The following SCGB2B2 variants were observed in gnomAD, a reference collection of about 807,000 sequenced individuals.
The protein encoded by SCGB2B2 is secretoglobin-like protein.
A neutral mutation model predicts 7.6 loss-of-function variants in SCGB2B2; 11 were observed. The ratio of observed to expected loss-of-function variants is 1.45; its 90% CI spans 0.91 to 2.40. SCGB2B2 has a LOEUF of 2.40. Ranked by LOEUF, SCGB2B2 falls within the 30% of genes most tolerant of loss-of-function variation. The pLI, the probability that SCGB2B2 is intolerant of heterozygous loss-of-function variation, is 0.00. For missense variants in SCGB2B2, 104 were observed against 115.4 expected, an observed-to-expected ratio of 0.90 and a Z score of 0.45; for synonymous variants, 50 against 48.6, an observed-to-expected ratio of 1.03 and a Z score of -0.12.
chr19:34,654,348 G>T (rs757095632), intron 1 of SCGB2B2, among the ~76,000 whole-genome samples: 1 of 151,062 alleles, frequency 6.6e-6, no homozygotes, highest in East Asian at 1.9e-4. Flanking sequence ...TTTATGTAAA[G>T]CTAATGAGAG....
At chr19:34,635,391 T>G in intron 1 of SCGB2B2, 1 of 300,788 alleles carries the variant, frequency 3.3e-6, no homozygotes. Flanking sequence ...CCTAACAAGG[T>G]GGGTGCTTCT....
chr19:34,607,082 ACT>A (rs1170276039), intron 1 of SCGB2B2, among the ~76,000 whole-genome samples: 2 of 151,776 alleles, frequency 1.3e-5, no homozygotes, highest in African/African-American at 4.8e-5. Flanking sequence ...CCACCATTCT[ACT>A]CTCTAATTCT....
intron 1 of SCGB2B2, among the ~76,000 whole-genome samples, chr19:34,642,207 T>C (rs1362321547): frequency 1.3e-5 from 2 of 152,226 alleles, no homozygotes; most frequent in Non-Finnish European, 2.9e-5. Context: ...TTTTCTTTTC[T>C]ATAAAGGCAA....
intron 1 of SCGB2B2, among the ~76,000 whole-genome samples, chr19:34,614,693 C>T (rs544936727): frequency 1.3e-5 from 2 of 152,232 alleles, no homozygotes; most frequent in African/African-American, 4.8e-5. Context: ...TTTCTTTTGG[C>T]ACTTCAGTGT....
At chr19:34,606,190 C>T (rs536322523) in intron 1 of SCGB2B2, among the ~76,000 whole-genome samples, 2 of 151,816 alleles carry the variant, frequency 1.3e-5, no homozygotes, top group African/African-American at 4.8e-5. Flanking sequence ...GCATAATTGA[C>T]AAATAGGAAT....
In SCGB2B2 at chr19:34,655,125, C is replaced by A. The variant is rs1209323439; in HGVS notation, c.-2032+20505G>T. On this transcript the variant is annotated intron_variant, in intron 1 of 3. Transcript: ENST00000601241. Reference sequence around the variant, plus strand: ...AAAAATAAAATTCTAAGGCCCCCAACCATCTGAATGGACCCCTCCTCTTGG... The same window carrying A: ...AAAAATAAAATTCTAAGGCCCCCAAACATCTGAATGGACCCCTCCTCTTGG... Among the ~76,000 whole-genome samples, 3 of 151,212 alleles carry A rather than the reference C, an allele frequency of 2.0e-5. 1 individual carries two copies. Among genetic ancestry groups the A allele is most frequent in the Non-Finnish European group, 4.4e-5 (3 of 68,032 alleles).
chr19:34,608,728 T>G (rs2065851762), intron 1 of SCGB2B2: 1 of 146,106 alleles, frequency 6.8e-6, no homozygotes. Context: ...GACACTGAGG[T>G]TGAGTCAAAT....
chr19:34,608,135 A>C (rs1473649634), intron 1 of SCGB2B2, among the ~76,000 whole-genome samples: 1 of 151,852 alleles, frequency 6.6e-6, no homozygotes, highest in Non-Finnish European at 1.5e-5. Context: ...AATTTTCCTC[A>C]TCGTGTTTTA....
downstream of SCGB2B2, among the ~76,000 whole-genome samples, chr19:34,589,730 C>A (rs1275459590): frequency 6.6e-6 from 1 of 151,936 alleles, no homozygotes; most frequent in Non-Finnish European, 1.5e-5. Context: ...GATCCCAGGG[C>A]AGTGTGGATG....
chr19:34,645,132 T>G (rs1177742769), intron 1 of SCGB2B2, among the ~76,000 whole-genome samples: 3 of 151,990 alleles, frequency 2.0e-5, no homozygotes, highest in African/African-American at 4.8e-5. Flanking sequence ...CCCAGAAATA[T>G]CTTCGTGAAG....
chr19:34,652,330 A>C (rs895182692), intron 1 of SCGB2B2, among the ~76,000 whole-genome samples: 1 of 151,266 alleles, frequency 6.6e-6, no homozygotes, highest in Non-Finnish European at 1.5e-5. Context: ...CAACAGAGAG[A>C]AGAGACAACT....
chr19:34,608,421 T>A (rs190655919), intron 1 of SCGB2B2, among the ~76,000 whole-genome samples: 63 of 151,234 alleles, frequency 4.2e-4, no homozygotes, highest in African/African-American at 1.5e-3. Flanking sequence ...TTGCACTTTG[T>A]ACCATTAATC....
At chr19:34,607,336 C>T (rs2145818150) in intron 1 of SCGB2B2, among the ~76,000 whole-genome samples, 1 of 152,186 alleles carries the variant, frequency 6.6e-6, no homozygotes, top group Admixed American at 6.5e-5. Flanking sequence ...GTATATATAT[C>T]ACATTTTCTT....
rs1782111639 is a variant in SCGB2B2 at position 34,591,633 on chromosome 19, T to TG, written c.*1921dup. Among the ~76,000 whole-genome samples the TG allele has an allele frequency of 6.6e-6, 1 of 152,234 alleles. No individual in the cohort carries two copies. Among genetic ancestry groups the TG allele is most frequent in the Non-Finnish European group, 1.5e-5 (1 of 68,038 alleles). On this transcript the variant is annotated 3_prime_UTR_variant, in exon 4 of 4. Transcript: ENST00000601241. Reference sequence around the variant, plus strand: ...CTGGCACTTGCCTCGTTTTCTGACGTGACCTCCTTCCCTGCTGCCCCTTGT... The same window carrying TG: ...CTGGCACTTGCCTCGTTTTCTGACGTGGACCTCCTTCCCTGCTGCCCCTTGT...
At chr19:34,645,574 G>A (rs945920293) in intron 1 of SCGB2B2, 1 of 232,832 alleles carries the variant, frequency 4.3e-6, no homozygotes, top group Non-Finnish European at 8.9e-6. Flanking sequence ...ACACACACAC[G>A]AAGGTGTGTG....
At chr19:34,673,819 CCA>C (rs954477436) in intron 1 of SCGB2B2, among the ~76,000 whole-genome samples, 21 of 152,122 alleles carry the variant, frequency 1.4e-4, no homozygotes, top group Non-Finnish European at 1.5e-5. Context: ...TATAAACACC[CCA>C]TGACTATGGG....
intron 1 of SCGB2B2, chr19:34,640,344 C>T (rs2066806121): frequency 6.6e-6 from 1 of 152,154 alleles, no homozygotes. Flanking sequence ...CTCCTGGGCT[C>T]AAGTGATCCT....
At chr19:34,619,339 G>C (rs2066177181) in intron 1 of SCGB2B2, among the ~76,000 whole-genome samples, 1 of 152,114 alleles carries the variant, frequency 6.6e-6, no homozygotes, top group Non-Finnish European at 1.5e-5. Context: ...TTTAAGTATA[G>C]AGATCTTAAG....
chr19:34,649,504 AT>A (rs992403595), intron 1 of SCGB2B2, among the ~76,000 whole-genome samples: 6 of 152,080 alleles, frequency 3.9e-5, no homozygotes, highest in African/African-American at 1.4e-4. Flanking sequence ...TTTTGTGTGA[AT>A]TTACTTAAAA....
Sources: allele counts gnomAD v4.1 joint callset (sites outside exome capture counted in the v4.1 genomes callset), GRCh38; gene constraint gnomAD v4.1.1; transcripts MANE v1.5; gene names NCBI Gene and HGNC (gene_info 2026-07-23, HGNC 2026-07-21).